TMEM196: variants seen among roughly 807,000 people sequenced by gnomAD.
TMEM196 encodes transmembrane protein 196.
TMEM196 carries 17 observed loss-of-function variants against 20.0 expected under a neutral mutation model. The ratio of observed to expected loss-of-function variants is 0.85; its 90% confidence interval spans 0.58 to 1.27. The LOEUF is 1.27. Ranked by LOEUF, TMEM196 falls within the 50% of genes most tolerant of loss-of-function variation. TMEM196 has a pLI of 0.00. For missense variants in TMEM196, 267 were observed against 223.0 expected (o/e 1.20, Z -1.26); for synonymous variants, 113 against 88.9 (o/e 1.27, Z -1.52).
rs1783815185 is a variant in TMEM196, at chr7:19,721,623, AT to A, written c.*504del. The A allele has an allele frequency of 6.6e-6, 1 of 152,232 alleles. No individual in the cohort carries two copies. The highest frequency in any genetic ancestry group is 2.1e-4 in the South Asian group (1 of 4,844). The allele number at this position is 152,232 out of a possible 1,614,324, so 9.4% of individuals were successfully genotyped here. On this transcript the variant is annotated 3_prime_UTR_variant, in exon 5 of 5. Coordinates refer to ENST00000405844, the MANE Select transcript of TMEM196 (RefSeq NM_001363562.2). ...AATTACAATGTTTTTATAACAAGGC[AT>A]TACTGAGGTTTTGAATTGTAGCATC...
At chr7:19,749,422 A>G (rs1458332116) in intron 1 of TMEM196, among the ~76,000 whole-genome samples, 1 of 152,220 alleles carries the variant, frequency 6.6e-6, no homozygotes, top group African/African-American at 2.4e-5. Flanking sequence ...CATTCACAAA[A>G]TTAGTATCCA....
At chr7:19,770,384 T>C (rs924284087) in intron 1 of TMEM196, among the ~76,000 whole-genome samples, 4 of 152,168 alleles carry the variant, frequency 2.6e-5, no homozygotes, top group African/African-American at 9.6e-5. Context: ...CATAAATTCA[T>C]CATTGAAGAA....
rs546895116 is a variant in TMEM196 at position 19,750,825 on chromosome 7, C to G, written c.148-21387G>C. Among the ~76,000 whole-genome samples the G allele has an allele frequency of 2.2e-4, 34 of 152,198 alleles. 1 individual carries two copies. The highest frequency in any genetic ancestry group is 6.0e-4 in the African/African-American group (25 of 41,540). ...TACCTTCAGAATATCTGAAAAAGAACAATCATATATTATATCTTTTAAAAT... is the reference window on the plus strand; with the variant it reads ...TACCTTCAGAATATCTGAAAAAGAAGAATCATATATTATATCTTTTAAAAT... On this transcript the variant is annotated intron_variant, in intron 1 of 4. Coordinates refer to ENST00000405844, the MANE Select transcript of TMEM196 (RefSeq NM_001363562.2).
At chr7:19,742,502 A>G (rs1784614622) in intron 1 of TMEM196, among the ~76,000 whole-genome samples, 1 of 152,074 alleles carries the variant, frequency 6.6e-6, no homozygotes, top group South Asian at 2.1e-4. Context: ...GTAAGATATC[A>G]CTGAAAGTAA....
chr7:19,726,855 T>G (rs1396276460), intron 2 of TMEM196, among the ~76,000 whole-genome samples: 1 of 152,238 alleles, frequency 6.6e-6, no homozygotes, highest in Non-Finnish European at 1.5e-5. Context: ...ATTTCCATTC[T>G]TCTCGGGAAC....
intron 3 of TMEM196, among the ~76,000 whole-genome samples, chr7:19,724,828 G>A (rs1247899519): frequency 6.6e-6 from 1 of 151,916 alleles, no homozygotes; most frequent in African/African-American, 2.4e-5. Context: ...AGATCCAGTA[G>A]GAGAAACCGA....
Position 19,720,432 on chromosome 7 carries a change from A to G in TMEM196, c.*1696T>C, listed in dbSNP as rs1158541204. The G allele has an allele frequency of 1.3e-5, 2 of 152,036 alleles. No homozygotes were observed. Among genetic ancestry groups the G allele is most frequent in the African/African-American group, 4.8e-5 (2 of 41,438 alleles). The allele number at this position is 152,036 out of a possible 1,614,324, so 9.4% of individuals were successfully genotyped here. On this transcript the variant is annotated 3_prime_UTR_variant, in exon 5 of 5. Coordinates refer to ENST00000405844, the MANE Select transcript of TMEM196 (RefSeq NM_001363562.2). ...AACTCATGTTTTGTTTATAAATTAT[A>G]TTCTCATACTGAACAGTAAATATTT... is the stretch of plus-strand genomic sequence containing the variant.
intron 4 of TMEM196, among the ~76,000 whole-genome samples, chr7:19,722,647 T>C (rs1482953360): frequency 6.6e-6 from 1 of 152,150 alleles, no homozygotes; most frequent in Non-Finnish European, 1.5e-5. Flanking sequence ...AAGATTGTTT[T>C]TCATGACACT....
chr7:19,722,517 T>A (rs934040390), intron 4 of TMEM196, among the ~76,000 whole-genome samples: 1 of 152,150 alleles, frequency 6.6e-6, no homozygotes, highest in African/African-American at 2.4e-5. Flanking sequence ...GCCAATGCAT[T>A]CTAGAGGTGA....
chr7:19,743,620 G>A (rs1784653012), intron 1 of TMEM196, among the ~76,000 whole-genome samples: 1 of 152,132 alleles, frequency 6.6e-6, no homozygotes, highest in Admixed American at 6.6e-5. Context: ...AGAATGAGCT[G>A]TTTCCAAACT....
intron 1 of TMEM196, among the ~76,000 whole-genome samples, chr7:19,772,102 T>C (rs1278441100): frequency 1.3e-5 from 2 of 152,178 alleles, no homozygotes; most frequent in Non-Finnish European, 2.9e-5. Flanking sequence ...AATGCATAAC[T>C]ATCCCTGCTT....
At position 19,755,355 on chromosome 7, in the gene TMEM196, A is replaced by T. The variant is rs569169303; in HGVS notation, c.147+17195T>A. ...TTTATCACTAACATGAGACGTGCAC[A>T]TACAAAAATTTCAGTGAATGTTTGG... On this transcript the variant is annotated intron_variant, in intron 1 of 4. Transcript: ENST00000405844. 5.9e-5 allele frequency among the ~76,000 whole-genome samples: 9 copies of T among 152,338 alleles called. No individual in the cohort carries two copies. The East Asian group carries it at 1.5e-3, about 26-fold the overall frequency.
intron 1 of TMEM196, among the ~76,000 whole-genome samples, chr7:19,746,554 G>A (rs2390157): frequency 0.17 from 25,513 of 152,108 alleles, 2,646 homozygotes; most frequent in East Asian, 0.43. Flanking sequence ...TTATTGTTGT[G>A]AATATAAATT....
At chr7:19,768,786 T>C (rs552497644) in intron 1 of TMEM196, among the ~76,000 whole-genome samples, 78 of 152,160 alleles carry the variant, frequency 5.1e-4, no homozygotes, top group Non-Finnish European at 6.8e-4. Context: ...TAATTGCCCA[T>C]ATTTAAAAAT....
At position 19,721,442 on chromosome 7, in the gene TMEM196, T is replaced by C. The variant is rs1018587666; in HGVS notation, c.*686A>G. 3 of 152,144 alleles carry C rather than the reference T, an allele frequency of 2.0e-5. No homozygotes were observed. Among genetic ancestry groups the C allele is most frequent in the Non-Finnish European group, 2.9e-5 (2 of 67,984 alleles). 9.4% of individuals were successfully genotyped at this position (152,144 alleles called of 1,614,324 possible). A position where few individuals can be genotyped will look rare whatever the true frequency, so the allele number is the denominator to read the frequency against. The stretch of plus-strand genomic sequence containing the variant: ...ATCAAAACATGTTTATTTTCTTAAA[T>C]GATATTCACATATAACTTTTCACTC... On this transcript the variant is annotated 3_prime_UTR_variant, in exon 5 of 5. Coordinates refer to ENST00000405844, the MANE Select transcript of TMEM196 (RefSeq NM_001363562.2).
chr7:19,757,803 T>C (rs1371704533), intron 1 of TMEM196, among the ~76,000 whole-genome samples: 1 of 152,146 alleles, frequency 6.6e-6, no homozygotes, highest in Non-Finnish European at 1.5e-5. Context: ...TTTCTTACTT[T>C]CATATTAGAA....
At chr7:19,727,164 A>T (rs779328338) in intron 2 of TMEM196, among the ~76,000 whole-genome samples, 1 of 152,204 alleles carries the variant, frequency 6.6e-6, no homozygotes, top group Non-Finnish European at 1.5e-5. Context: ...CCCTGAGTGC[A>T]GCAGCTGCTG....
intron 1 of TMEM196, among the ~76,000 whole-genome samples, chr7:19,771,665 G>A (rs150293360): frequency 1.6e-4 from 25 of 152,176 alleles, no homozygotes; most frequent in Middle Eastern, 3.4e-3. Context: ...GAAAAAACTG[G>A]TTTTCACAAT....
At chr7:19,722,185 T>C in intron 4 of TMEM196, 51 bp from the exon 5 acceptor site, 1 of 1,497,072 alleles carries the variant, frequency 6.7e-7, no homozygotes, top group South Asian at 1.2e-5. Context: ...GAGTAAGACA[T>C]TGTTTTGGTT....
Sources: allele counts gnomAD v4.1 joint callset (sites outside exome capture counted in the v4.1 genomes callset), GRCh38; gene constraint gnomAD v4.1.1; transcripts MANE v1.5; gene names NCBI Gene and HGNC (gene_info 2026-07-23, HGNC 2026-07-21).